Variants in HEPHL1 observed in about 807,000 individuals in gnomAD.
The protein encoded by HEPHL1 is hephaestin like 1.
In HEPHL1, 123 loss-of-function variants were observed where a neutral mutation model predicts 122.0. The ratio of observed to expected loss-of-function variants is 1.01; its 90% CI spans 0.87 to 1.17. The LOEUF is 1.17. HEPHL1 is among the 50% of genes most tolerant of loss of function. The pLI is 0.00. For missense variants in HEPHL1, 1,452 were observed against 1,430.5 expected, an observed-to-expected ratio of 1.01 and a Z score of -0.24; for synonymous variants, 527 against 508.9, an observed-to-expected ratio of 1.04 and a Z score of -0.48.
intron 1 of HEPHL1, among the ~76,000 whole-genome samples, chr11:94,029,537 C>A (rs1204227195): frequency 6.6e-6 from 1 of 152,202 alleles, no homozygotes; most frequent in African/African-American, 2.4e-5. Context: ...AATACAGATA[C>A]CATGGTCTTG....
At chr11:94,102,873 C>T (rs768189932) in intron 14 of HEPHL1, 41 bp from the exon 15 acceptor site, 3 of 985,548 alleles carry the variant, frequency 3.0e-6, no homozygotes, top group Non-Finnish European at 4.9e-6. Flanking sequence ...ATCTGAAACA[C>T]AGATAATTCT....
At chr11:94,092,205 T>G (rs942011775) in intron 12 of HEPHL1, among the ~76,000 whole-genome samples, 2 of 152,200 alleles carry the variant, frequency 1.3e-5, no homozygotes, top group African/African-American at 2.4e-5. Flanking sequence ...ATTTTAGAGA[T>G]AAAATTAAAA....
rs1184472181 is a variant in HEPHL1, at chr11:94,113,789, C to T, written c.*1895C>T. 3.3e-5 allele frequency: 5 copies of T among 152,082 alleles called. No individual in the cohort carries two copies. The South Asian group carries it at 8.3e-4, about 25-fold the overall frequency. The allele number at this position is 152,082 out of a possible 1,614,324, so 9.4% of individuals were successfully genotyped here. On this transcript the variant is annotated 3_prime_UTR_variant, in exon 20 of 20. Transcript: ENST00000315765. Reference sequence around the variant, plus strand: ...GTTATTTTCACTTAAAATTATCTATCACTGAACTAGGGGAGGTGGTTAAAG... The same window carrying T: ...GTTATTTTCACTTAAAATTATCTATTACTGAACTAGGGGAGGTGGTTAAAG...
At chr11:94,051,828 TAGGAG>T (rs1945892302) in intron 2 of HEPHL1, among the ~76,000 whole-genome samples, 1 of 152,082 alleles carries the variant, frequency 6.6e-6, no homozygotes, top group African/African-American at 2.4e-5. Context: ...TGGTGAGAGA[TAGGAG>T]TCTAGTTTTA....
chr11:94,085,023 G>T (rs555072603), intron 10 of HEPHL1, among the ~76,000 whole-genome samples: 116 of 152,314 alleles, frequency 7.6e-4, no homozygotes, highest in African/African-American at 2.6e-3. Context: ...ATAACAGAAG[G>T]TCACTCATGT....
chr11:94,035,977 C>A (rs1282511878), intron 1 of HEPHL1, among the ~76,000 whole-genome samples: 1 of 152,334 alleles, frequency 6.6e-6, no homozygotes, highest in East Asian at 1.9e-4. Flanking sequence ...ACCTCGTGAT[C>A]CGCCCGCCTC....
At chr11:94,039,560 A>C (rs1282700561) in intron 1 of HEPHL1, among the ~76,000 whole-genome samples, 1 of 151,780 alleles carries the variant, frequency 6.6e-6, no homozygotes, top group Non-Finnish European at 1.5e-5. Flanking sequence ...ACTCAGGATT[A>C]AGAATCTCAC....
Position 94,110,986 on chromosome 11 carries a change from G to A in HEPHL1, c.3129G>A (p.Gly1043=). Residue 1043 remains glycine, a synonymous_variant, in exon 18 of 20, where the codon GGG becomes GGA. Coordinates refer to ENST00000315765, the MANE Select transcript of HEPHL1 (RefSeq NM_001098672.2). ...QTIELFADHP[G]TWLLHCHVSD... ...TTGAACTGTTTGCAGATCACCCAGG[G>A]ACATGGCTGCTACACTGTCATGTGT... The A allele has an allele frequency of 6.2e-7, 1 of 1,611,842 alleles. No individual in the cohort carries two copies. Among genetic ancestry groups the A allele is most frequent in the Non-Finnish European group, 8.5e-7 (1 of 1,178,894 alleles).
rs996625659 is a variant in HEPHL1, at chr11:94,067,412, A to G, written c.809-84A>G. 19 of 1,370,540 alleles carry G rather than the reference A, an allele frequency of 1.4e-5. 1 individual carries two copies. The highest frequency in any genetic ancestry group is 6.9e-5 in the East Asian group (3 of 43,414). The allele number at this position is 1,370,540 out of a possible 1,614,324, so 84.9% of individuals were successfully genotyped here. A position where few individuals can be genotyped will look rare whatever the true frequency, so the allele number is the denominator to read the frequency against. On this transcript the variant is annotated intron_variant, in intron 4 of 19. Coordinates refer to ENST00000315765, the MANE Select transcript of HEPHL1 (RefSeq NM_001098672.2). ...AATGGTCTGCACTGGTTTTCCAGCCATGCTTAAGCCCGTATTACCAACATT... is the reference window on the plus strand; with the variant it reads ...AATGGTCTGCACTGGTTTTCCAGCCGTGCTTAAGCCCGTATTACCAACATT...
intron 9 of HEPHL1, among the ~76,000 whole-genome samples, chr11:94,081,176 C>T (rs776726161): frequency 6.6e-5 from 10 of 152,138 alleles, no homozygotes; most frequent in African/African-American, 1.7e-4. Flanking sequence ...CCATTATCTT[C>T]GGCAAACTAA....
rs775018642 is a variant in HEPHL1 at position 94,086,070 on chromosome 11, C to G, written c.1961C>G (p.Thr654Ser). 2.0e-5 allele frequency: 33 copies of G among 1,613,828 alleles called. No individual in the cohort carries two copies. In the East Asian group the frequency reaches 6.9e-4, roughly 34 times the overall value. ...SWHLIGLGTDTDMHGIVFQGN... is the reference protein window; with the variant it reads ...SWHLIGLGTDSDMHGIVFQGN... ...CATCTGATTGGATTGGGCACTGACA[C>G]TGACATGCATGGAATTGTTTTTCAA... Residue 654 changes from threonine to serine, a missense_variant, in exon 11 of 20, where the codon ACT becomes AGT. By Grantham distance (58) the Thr-to-Ser change is moderately conservative (BLOSUM62 1). Transcript: ENST00000315765.
intron 6 of HEPHL1, among the ~76,000 whole-genome samples, chr11:94,071,074 C>A (rs1029624424): frequency 1.3e-5 from 2 of 152,076 alleles, no homozygotes; most frequent in Non-Finnish European, 2.9e-5. Flanking sequence ...TGAAGTGAAA[C>A]CTTTGACTCT....
chr11:94,073,531 A>C, intron 8 of HEPHL1, 92 bp downstream of exon 8: 2 of 1,278,884 alleles, frequency 1.6e-6, no homozygotes, highest in Admixed American at 4.5e-5. Context: ...GGTCCTTTCC[A>C]TTACCTGCCC....
rs115239389 is a variant in HEPHL1 at position 94,069,909 on chromosome 11, C to T, written c.1064-465C>T. Among the ~76,000 whole-genome samples, 1,170 of 152,124 alleles carry T rather than the reference C, an allele frequency of 7.7e-3. 18 individuals carry two copies. Among genetic ancestry groups the T allele is most frequent in the African/African-American group, 0.027 (1,120 of 41,526 alleles). ...TTTTGGAAATTGTTATTCTTCTACA[C>T]GAAGTGTATGAGTATGGCTCTTTCC... On this transcript the variant is annotated intron_variant, in intron 5 of 19. Coordinates refer to ENST00000315765, the MANE Select transcript of HEPHL1 (RefSeq NM_001098672.2).
intron 13 of HEPHL1, among the ~76,000 whole-genome samples, chr11:94,099,278 C>A (rs55912486): frequency 0.026 from 4,023 of 152,332 alleles, 193 homozygotes; most frequent in African/African-American, 0.092. Flanking sequence ...TGGAGGTCCA[C>A]TCTGGACCCT....
In HEPHL1 at chr11:94,067,508, A is replaced by G; in HGVS notation, c.821A>G (p.Tyr274Cys). ...TTTCTGTTTCCAGCCCTCAATGGAT[A>G]CCTCTTCGGAAACTTCCCGGAGCCT... is the stretch of plus-strand genomic sequence containing the variant. Reference protein sequence around the residue: ...RSNKMHALNGYLFGNFPEPDM... With the variant: ...RSNKMHALNGCLFGNFPEPDM... The change falls in exon 5 of 20, where the codon TAC (tyrosine) becomes TGC (cysteine). Residue 274 changes from tyrosine (Y) to cysteine (C), a missense_variant. Tyr to Cys is a radical substitution (Grantham distance 194, BLOSUM62 -2). Transcript: ENST00000315765. 1 of 1,613,360 alleles carries G rather than the reference A, an allele frequency of 6.2e-7. No individual in the cohort carries two copies. The highest frequency in any genetic ancestry group is 8.5e-7 in the Non-Finnish European group (1 of 1,179,520).
At chr11:94,023,653 G>A (rs951290954) in intron 1 of HEPHL1, among the ~76,000 whole-genome samples, 27 of 152,304 alleles carry the variant, frequency 1.8e-4, no homozygotes, top group African/African-American at 5.5e-4. Context: ...ATGATAGTGC[G>A]TTTGTTCTTA....
At chr11:94,070,598 C>T (rs1198886521) in intron 6 of HEPHL1, 56 bp downstream of exon 6, 33 of 1,420,218 alleles carry the variant, frequency 2.3e-5, no homozygotes, top group Non-Finnish European at 2.5e-5. Context: ...ATGTGTTAGG[C>T]TTTCTCTGTG....
At chr11:94,028,423 C>A (rs1179246846) in intron 1 of HEPHL1, among the ~76,000 whole-genome samples, 1 of 152,158 alleles carries the variant, frequency 6.6e-6, no homozygotes, top group African/African-American at 2.4e-5. Context: ...ACCTGGAAGT[C>A]CAACTCTGTA....
Sources: gnomAD v4.1 joint callset for allele counts (sites outside exome capture counted in the v4.1 genomes callset) on GRCh38, gnomAD v4.1.1 for gene constraint, MANE v1.5 for transcripts, NCBI Gene and HGNC (gene_info 2026-07-23, HGNC 2026-07-21) for gene names.